MAF: variants seen among roughly 807,000 people sequenced by gnomAD.
MAF encodes MAF bZIP transcription factor, also known as transcription factor Maf.
A neutral mutation model predicts 22.0 loss-of-function variants in MAF; 10 were observed. The observed-to-expected ratio is 0.45, with a 90% CI of 0.28 to 0.77. The LOEUF (loss-of-function observed/expected upper bound fraction) is 0.77, where lower values mean the gene tolerates loss of function less well. Among genes scored for constraint, MAF ranks in the 30% least tolerant of loss-of-function variants. MAF has a pLI of 0.12. For missense variants in MAF, 544 were observed against 548.4 expected, an observed-to-expected ratio of 0.99 and a Z score of 0.08; for synonymous variants, 337 against 255.8, an observed-to-expected ratio of 1.32 and a Z score of -3.03.
the MAF span, among the ~76,000 whole-genome samples, chr16:79,318,396 G>T: frequency 1.3e-5 from 2 of 152,140 alleles, no homozygotes; most frequent in Non-Finnish European, 1.5e-5. Context: ...GGGTACATGA[G>T]CAATTTCTGG....
chr16:79,426,519 A>G, the MAF span, among the ~76,000 whole-genome samples: 1 of 152,118 alleles, frequency 6.6e-6, no homozygotes, highest in Non-Finnish European at 1.5e-5. Context: ...CATTTTCCTT[A>G]GGATCCAGCC....
At chr16:79,310,531 G>T in the MAF span, among the ~76,000 whole-genome samples, 4 of 152,196 alleles carry the variant, frequency 2.6e-5, no homozygotes, top group Non-Finnish European at 5.9e-5. Flanking sequence ...CTGGAGTTCA[G>T]ATGGGAGGAC....
At chr16:79,458,320 T>C in the MAF span, among the ~76,000 whole-genome samples, 38 of 152,206 alleles carry the variant, frequency 2.5e-4, no homozygotes, top group Non-Finnish European at 4.6e-4. Flanking sequence ...CTGTGCATGG[T>C]TGGGGACAAG....
the MAF span, among the ~76,000 whole-genome samples, chr16:79,216,145 T>C: frequency 6.6e-6 from 1 of 151,462 alleles, no homozygotes; most frequent in Non-Finnish European, 1.5e-5. Context: ...GTATATGTCA[T>C]GCACATCTGT....
the MAF span, among the ~76,000 whole-genome samples, chr16:79,514,906 C>A: frequency 6.6e-6 from 1 of 152,278 alleles, no homozygotes; most frequent in Admixed American, 6.5e-5. Flanking sequence ...CTTCGCAAGC[C>A]CTTTTCTTCC....
the MAF span, among the ~76,000 whole-genome samples, chr16:79,219,346 G>A: frequency 6.6e-6 from 1 of 151,936 alleles, no homozygotes; most frequent in South Asian, 2.1e-4. Flanking sequence ...TTACCAAAAC[G>A]CCTATCTGAA....
the MAF span, among the ~76,000 whole-genome samples, chr16:79,498,360 C>A: frequency 3.2e-3 from 492 of 152,262 alleles, 2 homozygotes; most frequent in Non-Finnish European, 4.8e-3. Flanking sequence ...TACTTATGGG[C>A]ACTAAAATTT....
At chr16:79,498,420 T>C in the MAF span, among the ~76,000 whole-genome samples, 2 of 152,176 alleles carry the variant, frequency 1.3e-5, no homozygotes, top group African/African-American at 4.8e-5. Flanking sequence ...TTAGAAGAAA[T>C]TTGTTTTCAA....
At chr16:79,509,565 C>T in the MAF span, among the ~76,000 whole-genome samples, 3 of 152,238 alleles carry the variant, frequency 2.0e-5, no homozygotes, top group Admixed American at 6.5e-5. Context: ...CTCCCACCCG[C>T]CTTCCCATTC....
At chr16:79,562,835 G>A in the MAF span, among the ~76,000 whole-genome samples, 13,012 of 152,248 alleles carry the variant, frequency 0.085, 631 homozygotes, top group Middle Eastern at 0.16. Flanking sequence ...TTATGAGACC[G>A]TCATACTTGC....
chr16:79,568,018 G>C, the MAF span, among the ~76,000 whole-genome samples: 70 of 152,228 alleles, frequency 4.6e-4, no homozygotes, highest in African/African-American at 1.7e-3. Context: ...TCAGGCAAAA[G>C]AATAAATAAG....
the MAF span, among the ~76,000 whole-genome samples, chr16:79,532,816 G>A: frequency 1.1e-4 from 16 of 152,308 alleles, no homozygotes; most frequent in East Asian, 2.7e-3. Context: ...TATCTTTGAA[G>A]GAGCACATGG....
chr16:79,277,734 T>C, the MAF span, among the ~76,000 whole-genome samples: 1 of 152,198 alleles, frequency 6.6e-6, no homozygotes, highest in Admixed American at 6.5e-5. Context: ...CTTCTATGTG[T>C]CTGTTTATAA....
chr16:79,273,218 C>G, the MAF span, among the ~76,000 whole-genome samples: 3 of 152,260 alleles, frequency 2.0e-5, no homozygotes, highest in Non-Finnish European at 1.5e-5. Flanking sequence ...CTGGCCCCAA[C>G]CCCGGCTGAG....
chr16:79,585,556 A>G (rs930557051), downstream of MAF, among the ~76,000 whole-genome samples: 2 of 151,720 alleles, frequency 1.3e-5, no homozygotes, highest in Admixed American at 1.3e-4. Context: ...CTCACGTTGG[A>G]TAAAGCTGAA....
the MAF span, among the ~76,000 whole-genome samples, chr16:79,527,743 G>C: frequency 6.6e-6 from 1 of 152,162 alleles, no homozygotes; most frequent in Non-Finnish European, 1.5e-5. Context: ...TTGAAGAAGT[G>C]AATATTGTCA....
chr16:79,425,047 C>T, the MAF span, among the ~76,000 whole-genome samples: 1 of 152,112 alleles, frequency 6.6e-6, no homozygotes, highest in African/African-American at 2.4e-5. Flanking sequence ...AGCACACAAA[C>T]ATACTCTACA....
At chr16:79,538,896 A>G in the MAF span, among the ~76,000 whole-genome samples, 1 of 151,752 alleles carries the variant, frequency 6.6e-6, no homozygotes, top group Non-Finnish European at 1.5e-5. Context: ...AGAAAGAAAG[A>G]AAGAAAGAAA....
chr16:79,359,281 G>T, the MAF span, among the ~76,000 whole-genome samples: 3 of 152,148 alleles, frequency 2.0e-5, no homozygotes, highest in African/African-American at 7.2e-5. Context: ...TTTGCACGAG[G>T]TCTCAGGAAG....
Sources: allele counts gnomAD v4.1 joint callset (sites outside exome capture counted in the v4.1 genomes callset), GRCh38; gene constraint gnomAD v4.1.1; transcripts MANE v1.5; gene names NCBI Gene and HGNC (gene_info 2026-07-23, HGNC 2026-07-21).